KCNN2: variants seen among roughly 807,000 people sequenced by gnomAD.
The protein encoded by KCNN2 is potassium calcium-activated channel subfamily N member 2.
KCNN2 carries 24 observed loss-of-function variants against 55.5 expected under a neutral mutation model. The ratio of observed to expected loss-of-function variants is 0.43; its 90% CI spans 0.31 to 0.61. KCNN2 has a LOEUF of 0.61. Ranked by LOEUF, KCNN2 falls within the 20% of genes least tolerant of loss-of-function variation. KCNN2 has a pLI of 0.08. For missense variants in KCNN2, 754 were observed against 853.6 expected (o/e 0.88, Z 1.45); for synonymous variants, 431 against 336.1 (o/e 1.28, Z -3.09).
intron 2 of KCNN2, among the ~76,000 whole-genome samples, chr5:114,386,908 G>T (rs1360344427): frequency 1.3e-5 from 2 of 152,196 alleles, no homozygotes; most frequent in East Asian, 3.9e-4. Flanking sequence ...GTAGATTTTT[G>T]CTTTCTACTG....
intron 1 of KCNN2, among the ~76,000 whole-genome samples, chr5:114,220,240 A>G (rs540489045): frequency 5.9e-5 from 9 of 152,304 alleles, no homozygotes; most frequent in Non-Finnish European, 8.8e-5. Context: ...CAAACTTCTA[A>G]TTAAAATGGT....
chr5:114,133,894 G>A (rs1475554005), intron 1 of KCNN2, among the ~76,000 whole-genome samples: 3 of 152,158 alleles, frequency 2.0e-5, no homozygotes, highest in Non-Finnish European at 4.4e-5. Flanking sequence ...ATAAGAGATA[G>A]CCAATATATT....
intron 1 of KCNN2, among the ~76,000 whole-genome samples, chr5:114,162,312 C>T (rs574187621): frequency 2.0e-5 from 3 of 152,266 alleles, no homozygotes; most frequent in African/African-American, 4.8e-5. Context: ...GGCTGCAGAA[C>T]AGCGGATATC....
intron 2 of KCNN2, among the ~76,000 whole-genome samples, chr5:114,268,891 CAA>C (rs1270884021): frequency 2.2e-4 from 34 of 151,698 alleles, no homozygotes; most frequent in African/African-American, 8.0e-4. Context: ...AGGAACAAAA[CAA>C]GAGAGACAAG....
chr5:114,312,430 CACACATATATATATATATATAT>C (rs1362600800), intron 2 of KCNN2, among the ~76,000 whole-genome samples: 3 of 21,798 alleles, frequency 1.4e-4, no homozygotes, highest in African/African-American at 2.9e-4. Flanking sequence ...CACACACACA[CACACATATATATATATATATAT>C]ATATATATAT....
intron 2 of KCNN2, among the ~76,000 whole-genome samples, chr5:114,384,928 T>C (rs1179711225): frequency 3.3e-5 from 5 of 152,180 alleles, no homozygotes; most frequent in South Asian, 4.1e-4. Flanking sequence ...AAAAAAGTTA[T>C]TCAGTTTCAA....
At chr5:114,167,623 G>C (rs6898378) in intron 1 of KCNN2, among the ~76,000 whole-genome samples, 116,206 of 151,992 alleles carry the variant, frequency 0.76, 44,614 homozygotes, top group East Asian at 0.92. Flanking sequence ...GTTACTATCT[G>C]TTTTGTTATA....
At chr5:114,459,817 A>C (rs1047560986) in intron 3 of KCNN2, among the ~76,000 whole-genome samples, 4 of 152,204 alleles carry the variant, frequency 2.6e-5, no homozygotes, top group Non-Finnish European at 5.9e-5. Context: ...CAGGATGACA[A>C]TCTCTGATGC....
intron 2 of KCNN2, among the ~76,000 whole-genome samples, chr5:114,286,103 G>A (rs1436794480): frequency 6.6e-6 from 1 of 151,986 alleles, no homozygotes; most frequent in African/African-American, 2.4e-5. Context: ...ATTTTTAGTA[G>A]AGACAGGGTT....
intron 2 of KCNN2, among the ~76,000 whole-genome samples, chr5:114,274,227 G>A (rs1755432562): frequency 1.1e-5 from 1 of 92,578 alleles, no homozygotes; most frequent in African/African-American, 3.7e-5. Flanking sequence ...GTACCATGCT[G>A]TTTTGGTTAC....
chr5:114,346,622 A>G (rs1442963313), intron 2 of KCNN2, among the ~76,000 whole-genome samples: 1 of 152,176 alleles, frequency 6.6e-6, no homozygotes, highest in Non-Finnish European at 1.5e-5. Context: ...AGAGATAGAC[A>G]TAGATATTAA....
intron 2 of KCNN2, chr5:114,253,743 T>G (rs1227341258): frequency 6.6e-6 from 1 of 152,236 alleles, no homozygotes; most frequent in Non-Finnish European, 1.5e-5. Flanking sequence ...GAGATCTTAT[T>G]TACATTATTG....
At chr5:114,122,566 G>A (rs1399070247) in intron 1 of KCNN2, among the ~76,000 whole-genome samples, 1 of 152,150 alleles carries the variant, frequency 6.6e-6, no homozygotes, top group East Asian at 1.9e-4. Context: ...TTTGCCAAGT[G>A]TCCTTCACTC....
chr5:114,174,571 T>C (rs1443417154), intron 1 of KCNN2, among the ~76,000 whole-genome samples: 1 of 152,186 alleles, frequency 6.6e-6, no homozygotes, highest in African/African-American at 2.4e-5. Context: ...GAATTTATTC[T>C]GTGTTGCATG....
At chr5:114,347,052 T>G (rs1250027205) in intron 2 of KCNN2, among the ~76,000 whole-genome samples, 1 of 152,190 alleles carries the variant, frequency 6.6e-6, no homozygotes, top group Admixed American at 6.5e-5. Flanking sequence ...AATATTTCAT[T>G]GAATAAATAA....
chr5:114,255,785 T>C (rs1288618346), intron 2 of KCNN2, among the ~76,000 whole-genome samples: 1 of 152,118 alleles, frequency 6.6e-6, no homozygotes, highest in Non-Finnish European at 1.5e-5. Flanking sequence ...ACATAGAATT[T>C]AGGAGGTAGT....
rs541234766 is a variant in KCNN2 at position 114,430,281 on chromosome 5, C to T, written c.1637+25425C>T. On this transcript the variant is annotated intron_variant, in intron 3 of 7. Transcript: ENST00000673685. ...AACATAGAGTATTTATTTAGCTCTT[C>T]TTGGATTTCTTTCCTCAGTGTTTTG... Among the ~76,000 whole-genome samples, 73 of 152,130 alleles carry T rather than the reference C, an allele frequency of 4.8e-4. 1 individual carries two copies. In the South Asian group the frequency reaches 0.014, roughly 30 times the overall value.
At position 114,351,816 on chromosome 5, in the gene KCNN2, T is replaced by C. The variant is rs547970097; in HGVS notation, c.-184-9129T>C. Among the ~76,000 whole-genome samples the C allele has an allele frequency of 1.2e-4, 18 of 151,936 alleles. No individual in the cohort carries two copies. The East Asian group carries it at 3.5e-3, about 29-fold the overall frequency. ...TCTTATGATAATTCCAACTTGGTCA[T>C]GTATATAACTTTGTATGTTGCTGTA... On this transcript the variant is annotated intron_variant, in intron 2 of 10. Coordinates refer to the KCNN2 transcript ENST00000512097.
rs193189832 is a variant in KCNN2, at chr5:114,473,043, C to G, written c.1780-11C>G. Reference sequence around the variant, plus strand: ...TAATGCTTTGGGTTTCTCTTCTCTCCTTGTTTTCAGGGTGCTGGTTGCACA... The same window carrying G: ...TAATGCTTTGGGTTTCTCTTCTCTCGTTGTTTTCAGGGTGCTGGTTGCACA... On this transcript the variant is annotated splice_polypyrimidine_tract_variant and intron_variant, in intron 4 of 7. Coordinates refer to ENST00000673685, the MANE Select transcript of KCNN2 (RefSeq NM_021614.4). The G allele has an allele frequency of 2.9e-3, 4,563 of 1,571,656 alleles. 15 individuals are homozygous for G. The highest frequency in any genetic ancestry group is 3.8e-3 in the Non-Finnish European group (4,316 of 1,148,546).
Sources: gnomAD v4.1 joint callset for allele counts (sites outside exome capture counted in the v4.1 genomes callset) on GRCh38, gnomAD v4.1.1 for gene constraint, MANE v1.5 for transcripts, NCBI Gene and HGNC (gene_info 2026-07-23, HGNC 2026-07-21) for gene names.